CYP1B1: variants seen among roughly 807,000 people sequenced by gnomAD.
CYP1B1 encodes the protein cytochrome P450 family 1 subfamily B member 1.
Under a neutral mutation model 29.9 loss-of-function variants are expected in CYP1B1, and 22 were observed. That is an observed-to-expected ratio of 0.74 (90% CI 0.53 to 1.05). CYP1B1 has a LOEUF of 1.05. CYP1B1 is among the 50% of genes least tolerant of loss of function. The pLI, the probability that CYP1B1 is intolerant of heterozygous loss-of-function variation, is 0.00. For synonymous variants in CYP1B1, 375 were observed against 320.0 expected (o/e 1.17, Z -1.83); for missense variants, 883 against 746.9 (o/e 1.18, Z -2.12).
rs2125315938 is a variant in CYP1B1 at position 38,074,419 on chromosome 2, T to C, written c.970A>G (p.Ile324Val). The change falls in exon 2 of 3, where the codon ATC becomes GTC. Residue 324 changes from isoleucine (I) to valine (V), a missense_variant. Coordinates refer to ENST00000610745, the MANE Select transcript of CYP1B1 (RefSeq NM_000104.4). ...RLDLENVPAT[I>V]TDIFGASQDT... ...TGGCTGGCGCCGAAGATGTCAGTGA[T>C]AGTGGCCGGTACGTTCTCCAAATCC... The C allele has an allele frequency of 3.7e-6, 6 of 1,613,278 alleles. No individual in the cohort carries two copies. Among genetic ancestry groups the C allele is most frequent in the Non-Finnish European group, 5.1e-6 (6 of 1,179,964 alleles).
chr2:38,071,164 A>T lies in CYP1B1; in HGVS notation c.1190T>A (p.Val397Asp), dbSNP rs756363215. The change falls in exon 3 of 3, where the codon GTC becomes GAC. Residue 397 changes from valine (V) to aspartate (D), a missense_variant. Transcript: ENST00000610745. ...EAMRFSSFVP[V>D]TIPHATTANT... Reference sequence around the variant, plus strand: ...GGCAGTGGTGGCATGAGGAATAGTGACAGGCACAAAGCTGGAGAAGCGCAT... The same window carrying T: ...GGCAGTGGTGGCATGAGGAATAGTGTCAGGCACAAAGCTGGAGAAGCGCAT... The T allele has an allele frequency of 6.2e-7, 1 of 1,614,028 alleles. No homozygotes were observed. Among genetic ancestry groups the T allele is most frequent in the South Asian group, 1.1e-5 (1 of 91,086 alleles).
In CYP1B1 at chr2:38,074,949, G is replaced by C. The variant is rs1418037931; in HGVS notation, c.440C>G (p.Ala147Gly). ...YSEHWKVQRR[A>G]AHSMMRNFFT... ...GAAGTTGCGCATCATGCTGTGGGCTGCGCGCCGCTGCACCTTCCAGTGCTC... is the reference window on the plus strand; with the variant it reads ...GAAGTTGCGCATCATGCTGTGGGCTCCGCGCCGCTGCACCTTCCAGTGCTC... The change falls in exon 2 of 3, where the codon GCA becomes GGA. Residue 147 changes from alanine to glycine, a missense_variant. Transcript: ENST00000610745. 2.6e-6 allele frequency: 4 copies of C among 1,567,354 alleles called. No individual in the cohort carries two copies. Among genetic ancestry groups the C allele is most frequent in the African/African-American group, 2.7e-5 (2 of 74,162 alleles).
rs538382460 is a variant in CYP1B1, at chr2:38,073,544, C to T, written c.1043+802G>A. On this transcript the variant is annotated intron_variant, in intron 2 of 2. Coordinates refer to ENST00000610745, the MANE Select transcript of CYP1B1 (RefSeq NM_000104.4). Reference sequence around the variant, plus strand: ...TCTTTTGCCAAATCTGGCAACCCGACACCAGGGACCTGTTGAATCCGTGCT... The same window carrying T: ...TCTTTTGCCAAATCTGGCAACCCGATACCAGGGACCTGTTGAATCCGTGCT... The T allele has an allele frequency of 4.6e-5, 7 of 152,358 alleles. No individual in the cohort carries two copies. In the South Asian group the frequency reaches 1.4e-3, roughly 32 times the overall value. The allele number at this position is 152,358 out of a possible 1,614,324, so 9.4% of individuals were successfully genotyped here.
rs1384370014 is a variant in CYP1B1, at chr2:38,075,214, G to C, written c.175C>G (p.Leu59Val). 8 of 1,582,026 alleles carry C rather than the reference G, an allele frequency of 5.1e-6. No individual in the cohort carries two copies. The highest frequency in any genetic ancestry group is 6.8e-6 in the Non-Finnish European group (8 of 1,170,530). ...SAPPGPFAWP[L>V]IGNAAAVGQA... Reference sequence around the variant, plus strand: ...CCCACCGCCGCCGCGTTTCCGATCAGTGGCCACGCAAACGGGCCCGGGGGC... The same window carrying C: ...CCCACCGCCGCCGCGTTTCCGATCACTGGCCACGCAAACGGGCCCGGGGGC... Residue 59 changes from leucine (L) to valine (V), a missense_variant, in exon 2 of 3, where the codon CTG becomes GTG. Transcript: ENST00000610745.
chr2:38,068,942 C>G lies in CYP1B1; in HGVS notation c.*1780G>C, dbSNP rs1406369497. 4.4e-6 allele frequency: 1 copy of G among 227,816 alleles called. No homozygotes were observed. The highest frequency in any genetic ancestry group is 8.7e-6 in the Non-Finnish European group (1 of 114,772). 14.1% of individuals were successfully genotyped at this position (227,816 alleles called of 1,614,324 possible). A position where few individuals can be genotyped will look rare whatever the true frequency, so the allele number is the denominator to read the frequency against. The stretch of plus-strand genomic sequence containing the variant: ...CCACCCCACACACACATACACACAA[C>G]TATCAAAAACTCCCTTTTTTAAAAT... On this transcript the variant is annotated 3_prime_UTR_variant, in exon 3 of 3. Coordinates refer to ENST00000610745, the MANE Select transcript of CYP1B1 (RefSeq NM_000104.4).
At position 38,068,264 on chromosome 2, in the gene CYP1B1, G is replaced by GT. The variant is rs1182496625; in HGVS notation, c.*2457dup. ...CCTCCAAATTCAGTTATTTTCATTC[G>GT]TTTTTTGTTTTCTTTTCCTTTCTTT... On this transcript the variant is annotated 3_prime_UTR_variant, in exon 3 of 3. Transcript: ENST00000610745. The GT allele has an allele frequency of 4.6e-6, 1 of 219,120 alleles. No individual in the cohort carries two copies. Among genetic ancestry groups the GT allele is most frequent in the African/African-American group, 2.2e-5 (1 of 44,538 alleles). The allele number at this position is 219,120 out of a possible 1,614,324, so 13.6% of individuals were successfully genotyped here.
chr2:38,068,166 C>T lies in CYP1B1; in HGVS notation c.*2556G>A. 4.7e-6 allele frequency: 1 copy of T among 213,090 alleles called. No homozygotes were observed. Among genetic ancestry groups the T allele is most frequent in the Non-Finnish European group, 9.5e-6 (1 of 105,226 alleles). 13.2% of individuals were successfully genotyped at this position (213,090 alleles called of 1,614,324 possible). A position where few individuals can be genotyped will look rare whatever the true frequency, so the allele number is the denominator to read the frequency against. On this transcript the variant is annotated 3_prime_UTR_variant, in exon 3 of 3. Transcript: ENST00000610745. The stretch of plus-strand genomic sequence containing the variant: ...TAAAACTTCTGACTTTAATGGTTGT[C>T]AGCAAATACATTCTCTCTCCGGTAG...
In CYP1B1 at chr2:38,075,225, A is replaced by G. The variant is rs965853036; in HGVS notation, c.164T>C (p.Phe55Ser). 1.3e-6 allele frequency: 2 copies of G among 1,585,294 alleles called. No individual in the cohort carries two copies. Among genetic ancestry groups the G allele is most frequent in the South Asian group, 1.1e-5 (1 of 88,930 alleles). Residue 55 changes from phenylalanine to serine, a missense_variant, in exon 2 of 3, where the codon TTT becomes TCT. By Grantham distance (155) the Phe-to-Ser change is radical. Coordinates refer to ENST00000610745, the MANE Select transcript of CYP1B1 (RefSeq NM_000104.4). ...RQLRSAPPGP[F>S]AWPLIGNAAA... ...CGCGTTTCCGATCAGTGGCCACGCA[A>G]ACGGGCCCGGGGGCGCGGACCGGAG...
In CYP1B1 at chr2:38,069,247, C is replaced by T. The variant is rs1468507036; in HGVS notation, c.*1475G>A. ...TGATTCTGACTTTCCAAAAAGCAGG[C>T]ATTAATGTTAACTTTCAAAAAATCA... On this transcript the variant is annotated 3_prime_UTR_variant, in exon 3 of 3. Transcript: ENST00000610745. 2 of 222,968 alleles carry T rather than the reference C, an allele frequency of 9.0e-6. No individual in the cohort carries two copies. Among genetic ancestry groups the T allele is most frequent in the Non-Finnish European group, 1.8e-5 (2 of 111,742 alleles). 13.8% of individuals were successfully genotyped at this position (222,968 alleles called of 1,614,324 possible).
rs978953402 is a variant in CYP1B1 at position 38,069,098 on chromosome 2, A to G, written c.*1624T>C. 5.3e-5 allele frequency: 12 copies of G among 225,900 alleles called. No homozygotes were observed. The highest frequency in any genetic ancestry group is 2.4e-4 in the African/African-American group (11 of 44,966). 14.0% of individuals were successfully genotyped at this position (225,900 alleles called of 1,614,324 possible). A position where few individuals can be genotyped will look rare whatever the true frequency, so the allele number is the denominator to read the frequency against. ...TTGAAACTTCAATTCACTTTTCTAA[A>G]TGTGAATGCATACATTTCATTTGAG... On this transcript the variant is annotated 3_prime_UTR_variant, in exon 3 of 3. Coordinates refer to ENST00000610745, the MANE Select transcript of CYP1B1 (RefSeq NM_000104.4).
At position 38,067,714 on chromosome 2, in the gene CYP1B1, G is replaced by A; in HGVS notation, c.*3008C>T. On this transcript the variant is annotated 3_prime_UTR_variant, in exon 3 of 3. Transcript: ENST00000610745. ...CAAACAGTAAAGGCTACATATAAAT[G>A]TTGTTTCCCCAGAATGTACTTTGTC... is the stretch of plus-strand genomic sequence containing the variant. The A allele has an allele frequency of 5.5e-6, 1 of 181,798 alleles. No homozygotes were observed. Among genetic ancestry groups the A allele is most frequent in the East Asian group, 9.0e-5 (1 of 11,100 alleles). The allele number at this position is 181,798 out of a possible 1,614,324, so 11.3% of individuals were successfully genotyped here.
rs1417042891 is a variant in CYP1B1, at chr2:38,067,965, G to C, written c.*2757C>G. On this transcript the variant is annotated 3_prime_UTR_variant, in exon 3 of 3. Transcript: ENST00000610745. ...CTACTAGGAAAATATTAAGGCTGTA[G>C]TAACACTTCACAGGTAAAGGCTAAG... 4 of 196,142 alleles carry C rather than the reference G, an allele frequency of 2.0e-5. No homozygotes were observed. The highest frequency in any genetic ancestry group is 4.2e-5 in the Non-Finnish European group (4 of 94,148). 12.2% of individuals were successfully genotyped at this position (196,142 alleles called of 1,614,324 possible).
chr2:38,070,195 T>C lies in CYP1B1; in HGVS notation c.*527A>G. On this transcript the variant is annotated 3_prime_UTR_variant, in exon 3 of 3. Coordinates refer to ENST00000610745, the MANE Select transcript of CYP1B1 (RefSeq NM_000104.4). ...TTCCTGAAAAGGTGAAAAGGGAATT[T>C]CTGGTCTTTATCTTTTCCCTTATCA... The C allele has an allele frequency of 4.4e-6, 1 of 226,866 alleles. No homozygotes were observed. The highest frequency in any genetic ancestry group is 6.6e-5 in the East Asian group (1 of 15,248). 14.1% of individuals were successfully genotyped at this position (226,866 alleles called of 1,614,324 possible).
Position 38,072,261 on chromosome 2 carries a change from G to A in CYP1B1, c.1044-951C>T, listed in dbSNP as rs553095548. On this transcript the variant is annotated intron_variant, in intron 2 of 2. Transcript: ENST00000610745. The stretch of plus-strand genomic sequence containing the variant: ...AAATTAGCCAGGCATGGTGGTACAC[G>A]CCTGTAGCCCCAGCTACCTGCCAGA... Among the ~76,000 whole-genome samples, 8 of 152,278 alleles carry A rather than the reference G, an allele frequency of 5.3e-5. No homozygotes were observed. In the South Asian group the frequency reaches 8.3e-4, roughly 16 times the overall value.
intron 2 of CYP1B1, chr2:38,073,515 C>A (rs959139176): frequency 2.6e-5 from 4 of 152,220 alleles, no homozygotes; most frequent in African/African-American, 9.7e-5. Context: ...GTAAAACTTA[C>A]TTTTCTTTTG....
At position 38,074,738 on chromosome 2, in the gene CYP1B1, G is replaced by T; in HGVS notation, c.651C>A (p.Asp217Glu). Residue 217 changes from aspartate to glutamate, a missense_variant, in exon 2 of 3, where the codon GAC becomes GAA. By Grantham distance (45) the Asp-to-Glu change is conservative. Transcript: ENST00000610745. ...AVCFGCRYSH[D>E]DPEFRELLSH... ...TGAGCAGCTCACGGAACTCGGGGTC[G>T]TCGTGGCTGTAGCGGCAGCCGAAAC... The T allele has an allele frequency of 1.2e-6, 2 of 1,606,674 alleles. No individual in the cohort carries two copies.
intron 2 of CYP1B1, chr2:38,073,374 G>A (rs1682465237): frequency 6.6e-6 from 1 of 152,070 alleles, no homozygotes; most frequent in Non-Finnish European, 1.5e-5. Flanking sequence ...TGGTCTCTTC[G>A]GCAATCAAAA....
At chr2:38,074,291 A>G (rs896209031) in intron 2 of CYP1B1, 55 bp downstream of exon 2, 12 of 1,577,734 alleles carry the variant, frequency 7.6e-6, no homozygotes, top group Non-Finnish European at 9.5e-6. Context: ...TTCTGTCTCT[A>G]CTCCGCCTTT....
intron 2 of CYP1B1, among the ~76,000 whole-genome samples, chr2:38,071,786 G>C (rs1306661156): frequency 6.6e-6 from 1 of 152,060 alleles, no homozygotes; most frequent in Non-Finnish European, 1.5e-5. Context: ...TTTATATCAG[G>C]GTAGTCATGA....
Sources: allele counts gnomAD v4.1 joint callset (sites outside exome capture counted in the v4.1 genomes callset), GRCh38; gene constraint gnomAD v4.1.1; transcripts MANE v1.5; gene names NCBI Gene and HGNC (gene_info 2026-07-23, HGNC 2026-07-21).